Variants in KANSL1 observed in about 807,000 individuals in gnomAD.
KANSL1 encodes the protein KAT8 regulatory NSL complex subunit 1.
Under a neutral mutation model 103.6 loss-of-function variants are expected in KANSL1, and 22 were observed. The ratio of observed to expected loss-of-function variants is 0.21; its 90% CI spans 0.15 to 0.30. The LOEUF (loss-of-function observed/expected upper bound fraction) is 0.30, where lower values mean the gene tolerates loss of function less well. KANSL1 is among the 10% of genes least tolerant of loss of function. KANSL1 has a pLI of 1.00. For synonymous variants in KANSL1, 600 were observed against 527.6 expected (o/e 1.14, Z -1.88); for missense variants, 1,337 against 1,399.8 (o/e 0.96, Z 0.72).
chr17:46,132,686 G>C (rs2043923031), intron 2 of KANSL1, among the ~76,000 whole-genome samples: 1 of 152,242 alleles, frequency 6.6e-6, no homozygotes, highest in South Asian at 2.1e-4. Flanking sequence ...AGTGGCTCTT[G>C]CCTGCAATCC....
intron 2 of KANSL1, among the ~76,000 whole-genome samples, chr17:46,146,749 C>T (rs1411796415): frequency 1.8e-5 from 2 of 112,104 alleles, no homozygotes; most frequent in Non-Finnish European, 2.2e-5. Context: ...AGGAGAATGG[C>T]GTGAACCCGG....
chr17:46,199,139 C>T (rs1378973836), intron 1 of KANSL1, among the ~76,000 whole-genome samples: 3 of 152,164 alleles, frequency 2.0e-5, no homozygotes, highest in Non-Finnish European at 4.4e-5. Flanking sequence ...TATGTTCAGC[C>T]GCCACATTTT....
intron 6 of KANSL1, among the ~76,000 whole-genome samples, chr17:46,059,647 A>AAAAAGAGAGAGAGAGAG (rs541946204): frequency 1.6e-4 from 9 of 54,832 alleles, no homozygotes; most frequent in Non-Finnish European, 2.7e-4. Flanking sequence ...AAAAAAAAAA[A>AAAAAGAGAGAGAGAGAG]AGAGAGAGAG....
Position 46,034,495 on chromosome 17 carries a change from A to C in KANSL1, c.2542-210T>G, listed in dbSNP as rs534237645. ...AAATACCAGGTGGTCATGAGGAGTT[A>C]GTCCCATTCATAAGTCCCACTGGTC... is the stretch of plus-strand genomic sequence containing the variant. On this transcript the variant is annotated intron_variant, in intron 10 of 14. Coordinates refer to ENST00000432791, the MANE Select transcript of KANSL1 (RefSeq NM_015443.4). The C allele has an allele frequency of 3.0e-5, 15 of 493,130 alleles. No individual in the cohort carries two copies. The East Asian group carries it at 5.9e-4, about 20-fold the overall frequency. 30.5% of individuals were successfully genotyped at this position (493,130 alleles called of 1,614,324 possible).
At chr17:46,059,010 G>A (rs2078046573) in intron 6 of KANSL1, among the ~76,000 whole-genome samples, 1 of 147,516 alleles carries the variant, frequency 6.8e-6, no homozygotes. Flanking sequence ...ATGTGCCACT[G>A]CACTCCAGCC....
chr17:46,135,073 T>C (rs1295058042), intron 2 of KANSL1, among the ~76,000 whole-genome samples: 3 of 152,188 alleles, frequency 2.0e-5, no homozygotes, highest in Non-Finnish European at 4.4e-5. Flanking sequence ...CGGTATCACT[T>C]GTGCTTAATT....
At chr17:46,064,886 T>TTTA (rs964600624) in intron 6 of KANSL1, among the ~76,000 whole-genome samples, 2 of 152,004 alleles carry the variant, frequency 1.3e-5, no homozygotes, top group Admixed American at 1.3e-4. Flanking sequence ...TAATTAATTT[T>TTTA]TTATTATTAT....
intron 1 of KANSL1, among the ~76,000 whole-genome samples, chr17:46,218,828 A>G (rs1346810766): frequency 1.3e-5 from 2 of 152,200 alleles, no homozygotes; most frequent in Non-Finnish European, 2.9e-5. Context: ...GTAGTAGTCC[A>G]CTGAACCAAA....
intron 5 of KANSL1, 101 bp downstream of exon 5, chr17:46,067,448 G>C: frequency 1.3e-6 from 1 of 749,134 alleles, no homozygotes; most frequent in South Asian, 1.5e-5. Context: ...TAAGGCTTCC[G>C]CTTCTTTAAA....
At chr17:46,193,733 G>T (rs1301850644), upstream of KANSL1, 3 of 246,018 alleles carry the variant, frequency 1.2e-5, no homozygotes, top group South Asian at 3.0e-5. Context: ...CCTCGCTGCG[G>T]CCGAGGTGAG....
chr17:46,216,091 A>G (rs1332919687), intron 1 of KANSL1, among the ~76,000 whole-genome samples: 1 of 152,164 alleles, frequency 6.6e-6, no homozygotes, highest in Non-Finnish European at 1.5e-5. Flanking sequence ...TAGGACATCC[A>G]AGTAGAGATG....
Position 46,032,098 on chromosome 17 carries a change from T to A in KANSL1, c.3039A>T (p.Leu1013Phe). 1 of 1,614,110 alleles carries A rather than the reference T, an allele frequency of 6.2e-7. No individual in the cohort carries two copies. The highest frequency in any genetic ancestry group is 8.5e-7 in the Non-Finnish European group (1 of 1,180,008). The change falls in exon 14 of 15, where the codon TTA becomes TTT. Residue 1013 changes from leucine to phenylalanine, a missense_variant. By Grantham distance (22) the Leu-to-Phe change is conservative (BLOSUM62 0). Coordinates refer to ENST00000432791, the MANE Select transcript of KANSL1 (RefSeq NM_015443.4). Reference sequence around the variant, plus strand: ...TGGAACAACGGGTATCCTCACTGGCTAAGTGTCGCGGAGTGTCCCGAGCCA... The same window carrying A: ...TGGAACAACGGGTATCCTCACTGGCAAAGTGTCGCGGAGTGTCCCGAGCCA... ...TPVARDTPRH[L>F]ASEDTRCSTP...
chr17:46,160,585 C>G (rs909932721), intron 2 of KANSL1, among the ~76,000 whole-genome samples: 5 of 152,140 alleles, frequency 3.3e-5, no homozygotes, highest in Admixed American at 6.5e-5. Flanking sequence ...AGAGGCATCA[C>G]GCCCATATAA....
At chr17:46,038,456 C>CCCT (rs1465349144) in intron 10 of KANSL1, 82 bp downstream of exon 10, 1 of 1,488,630 alleles carries the variant, frequency 6.7e-7, no homozygotes, top group Non-Finnish European at 9.1e-7. Context: ...TTATAACCCA[C>CCCT]CCTCACACTG....
chr17:46,175,940 G>A (rs1471037647), intron 1 of KANSL1, among the ~76,000 whole-genome samples: 1 of 152,196 alleles, frequency 6.6e-6, no homozygotes, highest in African/African-American at 2.4e-5. Flanking sequence ...CAATATAGTT[G>A]TTAAAAATAT....
At chr17:46,085,693 A>G (rs1307365380) in intron 3 of KANSL1, among the ~76,000 whole-genome samples, 2 of 152,166 alleles carry the variant, frequency 1.3e-5, no homozygotes, top group African/African-American at 4.8e-5. Flanking sequence ...GGTTTCACCA[A>G]GTTGCTCAGG....
At chr17:46,096,847 G>A (rs192870237) in intron 2 of KANSL1, among the ~76,000 whole-genome samples, 114 of 149,970 alleles carry the variant, frequency 7.6e-4, no homozygotes, top group African/African-American at 2.7e-3. Flanking sequence ...TCGATCTCCT[G>A]ACCTCATGAT....
Position 46,052,794 on chromosome 17 carries a change from TA to T in KANSL1, c.1849-2091del, listed in dbSNP as rs35162336. On this transcript the variant is annotated intron_variant, in intron 6 of 14. Transcript: ENST00000432791. ...CATCTCTTAAAATAAAATTTAAAATTAAAAAAAAAAAAAAAAAAAATTTAGC... is the reference window on the plus strand; with the variant it reads ...CATCTCTTAAAATAAAATTTAAAATTAAAAAAAAAAAAAAAAAAATTTAGC... Among the ~76,000 whole-genome samples the T allele has an allele frequency of 7.1e-3, 835 of 118,294 alleles. 12 individuals carry two copies. Among genetic ancestry groups the T allele is most frequent in the African/African-American group, 0.022 (651 of 29,748 alleles). 77.6% of individuals were successfully genotyped at this position (118,294 alleles called of 152,430 possible). A position where few individuals can be genotyped will look rare whatever the true frequency, so the allele number is the denominator to read the frequency against.
At chr17:46,096,249 C>T (rs1393325376) in intron 2 of KANSL1, among the ~76,000 whole-genome samples, 1 of 150,166 alleles carries the variant, frequency 6.7e-6, no homozygotes, top group Non-Finnish European at 1.5e-5. Flanking sequence ...TTAAGCTATC[C>T]TCCCACCTCA....
Sources: gnomAD v4.1 joint callset for allele counts (sites outside exome capture counted in the v4.1 genomes callset) on GRCh38, gnomAD v4.1.1 for gene constraint, MANE v1.5 for transcripts, NCBI Gene and HGNC (gene_info 2026-07-23, HGNC 2026-07-21) for gene names.